Variants in CFAP299 observed in about 807,000 individuals in gnomAD.
CFAP299 encodes the protein cilia- and flagella-associated protein 299.
CFAP299 carries 21 observed loss-of-function variants against 27.0 expected under a neutral mutation model. The observed-to-expected ratio is 0.78, with a 90% confidence interval of 0.55 to 1.12. CFAP299 has a LOEUF of 1.12. CFAP299 is among the 50% of genes most tolerant of loss of function. CFAP299 has a pLI of 0.00. For synonymous variants in CFAP299, 104 were observed against 98.1 expected, an observed-to-expected ratio of 1.06 and a Z score of -0.36; for missense variants, 310 against 276.6, an observed-to-expected ratio of 1.12 and a Z score of -0.86.
chr4:80,748,874 A>G (rs1468677266), intron 3 of CFAP299, among the ~76,000 whole-genome samples: 1 of 152,152 alleles, frequency 6.6e-6, no homozygotes. Flanking sequence ...GTGACAATTG[A>G]CAGGGTTTAT....
chr4:80,823,063 G>C (rs570406775), intron 3 of CFAP299, among the ~76,000 whole-genome samples: 12 of 152,296 alleles, frequency 7.9e-5, no homozygotes, highest in African/African-American at 2.6e-4. Context: ...ATGTGAGCAT[G>C]ACCTGAAGCT....
chr4:80,622,064 C>T (rs997863513), intron 3 of CFAP299, among the ~76,000 whole-genome samples: 1 of 152,146 alleles, frequency 6.6e-6, no homozygotes, highest in African/African-American at 2.4e-5. Flanking sequence ...TCAGATCATA[C>T]AGACTGTCAA....
chr4:80,770,170 G>T (rs1726129491), intron 3 of CFAP299, among the ~76,000 whole-genome samples: 1 of 152,058 alleles, frequency 6.6e-6, no homozygotes, highest in South Asian at 2.1e-4. Flanking sequence ...GGACTTTGTG[G>T]GCCTTACGTA....
At chr4:80,868,896 C>A (rs1732902442) in intron 3 of CFAP299, among the ~76,000 whole-genome samples, 1 of 113,896 alleles carries the variant, frequency 8.8e-6, no homozygotes, top group African/African-American at 4.7e-5. Context: ...TGGGTGGGGG[C>A]TTCTCTCTCT....
At chr4:80,386,807 C>T (rs1356305239) in intron 2 of CFAP299, 2 of 1,041,790 alleles carry the variant, frequency 1.9e-6, no homozygotes, top group East Asian at 2.4e-5. Context: ...CGATAAAGGG[C>T]ATTTATATTT....
At chr4:80,329,846 A>C in the CFAP299 span, among the ~76,000 whole-genome samples, 1 of 152,156 alleles carries the variant, frequency 6.6e-6, no homozygotes, top group African/African-American at 2.4e-5. Context: ...AATTCTATAG[A>C]GATTATCATG....
chr4:80,520,786 A>C (rs565203188), intron 2 of CFAP299, among the ~76,000 whole-genome samples: 4 of 152,358 alleles, frequency 2.6e-5, no homozygotes, highest in Non-Finnish European at 5.9e-5. Context: ...CACATTAAAC[A>C]AGACTTTCTG....
chr4:80,386,475 C>T (rs1725001938), intron 2 of CFAP299: 2 of 1,539,846 alleles, frequency 1.3e-6, no homozygotes, highest in Non-Finnish European at 8.8e-7. Flanking sequence ...ACCACTGCCG[C>T]CACGGCGCGG....
chr4:80,345,361 G>T (rs1722675244), intron 1 of CFAP299, among the ~76,000 whole-genome samples: 1 of 151,794 alleles, frequency 6.6e-6, no homozygotes, highest in African/African-American at 2.4e-5. Flanking sequence ...TGCCATGTTG[G>T]TGTGCTGCAC....
At chr4:80,466,842 A>G (rs901589311) in intron 2 of CFAP299, among the ~76,000 whole-genome samples, 1 of 152,182 alleles carries the variant, frequency 6.6e-6, no homozygotes, top group Non-Finnish European at 1.5e-5. Context: ...TTGCACTGCC[A>G]TAGATAGTGT....
At chr4:80,516,946 G>A (rs1049859209) in intron 2 of CFAP299, among the ~76,000 whole-genome samples, 5 of 152,154 alleles carry the variant, frequency 3.3e-5, no homozygotes, top group African/African-American at 1.2e-4. Flanking sequence ...CCCTAGGGCA[G>A]CGATCTTTTT....
At position 80,355,354 on chromosome 4, in the gene CFAP299, CTTT is replaced by C. The variant is rs70944772; in HGVS notation, c.112-7381_112-7379del. On this transcript the variant is annotated intron_variant, in intron 1 of 5. Transcript: ENST00000358105. ...TTTTGAAAAGTGTTCATGTCCTTTG[CTTT>C]TTTTTTTTTTTTTTTTTTGAGACAG... 4.2e-5 allele frequency among the ~76,000 whole-genome samples: 4 copies of C among 95,496 alleles called. No individual in the cohort carries two copies. The Admixed American group carries it at 4.2e-4, about 10-fold the overall frequency. 62.6% of individuals were successfully genotyped at this position (95,496 alleles called of 152,430 possible). A position where few individuals can be genotyped will look rare whatever the true frequency, so the allele number is the denominator to read the frequency against.
At chr4:80,924,538 G>GTGTGTGTGTA (rs5859742) in intron 4 of CFAP299, among the ~76,000 whole-genome samples, 20 of 131,694 alleles carry the variant, frequency 1.5e-4, no homozygotes, top group East Asian at 6.3e-4. Context: ...GTGTGTGTGT[G>GTGTGTGTGTA]TATATATATA....
intron 3 of CFAP299, among the ~76,000 whole-genome samples, chr4:80,858,519 C>A (rs917832288): frequency 3.3e-5 from 5 of 152,042 alleles, no homozygotes; most frequent in African/African-American, 7.2e-5. Context: ...AATTTTGGAT[C>A]TTTCCTGCTT....
At chr4:80,398,274 A>G (rs1276672117) in intron 2 of CFAP299, among the ~76,000 whole-genome samples, 2 of 152,216 alleles carry the variant, frequency 1.3e-5, no homozygotes, top group Non-Finnish European at 2.9e-5. Flanking sequence ...AAGGTAATTT[A>G]TAGATTCAAT....
At chr4:80,685,228 C>T (rs1051177316) in intron 3 of CFAP299, among the ~76,000 whole-genome samples, 4 of 152,148 alleles carry the variant, frequency 2.6e-5, no homozygotes, top group African/African-American at 9.7e-5. Context: ...TTCTAAGAAG[C>T]TCTTGTTCAG....
At chr4:80,771,130 T>C (rs1233681584) in intron 3 of CFAP299, among the ~76,000 whole-genome samples, 1 of 152,178 alleles carries the variant, frequency 6.6e-6, no homozygotes, top group East Asian at 1.9e-4. Flanking sequence ...TTGAGAATTC[T>C]GCCTGCCACA....
intron 2 of CFAP299, among the ~76,000 whole-genome samples, chr4:80,491,322 T>G (rs1334257197): frequency 6.6e-6 from 1 of 152,174 alleles, no homozygotes; most frequent in East Asian, 1.9e-4. Context: ...AAATTAAACT[T>G]AGAATTCTGA....
At chr4:80,387,880 T>G (rs1725102756) in intron 2 of CFAP299, 3 of 1,107,498 alleles carry the variant, frequency 2.7e-6, no homozygotes, top group Non-Finnish European at 4.1e-6. Context: ...TGGTGGAGAG[T>G]CAAAGATGGC....
Sources: allele counts gnomAD v4.1 joint callset (sites outside exome capture counted in the v4.1 genomes callset), GRCh38; gene constraint gnomAD v4.1.1; transcripts MANE v1.5; gene names NCBI Gene and HGNC (gene_info 2026-07-23, HGNC 2026-07-21).